Variants in P4HA2 observed in about 807,000 individuals in gnomAD.
P4HA2 encodes prolyl 4-hydroxylase subunit alpha-2.
Under a neutral mutation model 76.9 loss-of-function variants are expected in P4HA2, and 46 were observed. The observed-to-expected ratio is 0.60, with a 90% CI of 0.47 to 0.76. P4HA2 has a LOEUF of 0.76. P4HA2 is among the 30% of genes least tolerant of loss of function. The pLI, the probability that P4HA2 is intolerant of heterozygous loss-of-function variation, is 0.00. For missense variants in P4HA2, 583 were observed against 669.4 expected, an observed-to-expected ratio of 0.87 and a Z score of 1.42; for synonymous variants, 243 against 254.0, an observed-to-expected ratio of 0.96 and a Z score of 0.41.
chr5:132,193,127 T>A lies in P4HA2; in HGVS notation c.1532-47A>T, dbSNP rs1183406365. The stretch of plus-strand genomic sequence containing the variant: ...GTTACAATCCTATTGGTCAGTTTAG[T>A]AGCCTGAATGAATGACTCCTTCATG... On this transcript the variant is annotated intron_variant, in intron 14 of 14. Coordinates refer to ENST00000360568, the MANE Select transcript of P4HA2 (RefSeq NM_001017974.2). 1.0e-5 allele frequency: 14 copies of A among 1,337,226 alleles called. No individual in the cohort carries two copies. The East Asian group carries it at 1.4e-4, about 13-fold the overall frequency. The allele number at this position is 1,337,226 out of a possible 1,614,324, so 82.8% of individuals were successfully genotyped here. A position where few individuals can be genotyped will look rare whatever the true frequency, so the allele number is the denominator to read the frequency against.
Position 132,204,105 on chromosome 5 carries a change from G to A in P4HA2, c.1128C>T (p.Val376=), listed in dbSNP as rs200647661. 3.1e-5 allele frequency: 50 copies of A among 1,613,768 alleles called. No individual in the cohort carries two copies. Among genetic ancestry groups the A allele is most frequent in the South Asian group, 1.4e-4 (13 of 91,076 alleles). The part of the protein sequence containing the change: ...VRDPKTGVLT[V]ASYRVSKSSW... ...ACCTTTTGGAAACCCGGTAGCTGGC[G>A]ACAGTGAGGACTCCTGTCTTGGGAT... The change falls in exon 9 of 15, where the codon GTC becomes GTT. Residue 376 remains valine, a synonymous_variant. Coordinates refer to ENST00000360568, the MANE Select transcript of P4HA2 (RefSeq NM_001017974.2).
intron 11 of P4HA2, 35 bp from the exon 12 acceptor site, chr5:132,198,415 A>G (rs1478552542): frequency 6.2e-7 from 1 of 1,604,922 alleles, no homozygotes; most frequent in Non-Finnish European, 8.5e-7. Flanking sequence ...CAAGTTTACA[A>G]CAGGCTTCAT....
intron 1 of P4HA2, among the ~76,000 whole-genome samples, chr5:132,221,162 G>C (rs1365619175): frequency 2.6e-5 from 4 of 152,226 alleles, no homozygotes; most frequent in Non-Finnish European, 4.4e-5. Context: ...GCTTAAGACA[G>C]AGTAGGTGAA....
intron 5 of P4HA2, among the ~76,000 whole-genome samples, chr5:132,211,815 C>G (rs1753129498): frequency 6.6e-6 from 1 of 152,200 alleles, no homozygotes; most frequent in Non-Finnish European, 1.5e-5. Context: ...ATATCTAAGT[C>G]TCAGTCCCCT....
intron 1 of P4HA2, among the ~76,000 whole-genome samples, chr5:132,220,435 C>G (rs1034231347): frequency 6.6e-6 from 1 of 152,194 alleles, no homozygotes; most frequent in Admixed American, 6.5e-5. Context: ...CTCCTCAGAG[C>G]TGGGGTGGTG....
intron 4 of P4HA2, among the ~76,000 whole-genome samples, chr5:132,215,875 A>AAAAAAG (rs1753788333): frequency 8.7e-6 from 1 of 115,602 alleles, no homozygotes. Context: ...AAAAAAAAAA[A>AAAAAAG]AAGGCAGCGG....
chr5:132,196,253 A>G (rs979578383), intron 12 of P4HA2, among the ~76,000 whole-genome samples: 2 of 152,230 alleles, frequency 1.3e-5, no homozygotes, highest in Non-Finnish European at 2.9e-5. Context: ...TGGTAAATGA[A>G]TAAGACAAAA....
In P4HA2 at chr5:132,193,074, T is replaced by C. The variant is rs201773917; in HGVS notation, c.1538A>G (p.Asn513Ser). ...PVLVGCKWVS[N>S]KWFHERGQEF... ...CTGTCCTCGTTCATGGAACCACTTA[T>C]TGGAGACTGTGAAAAGAAAGCAAGC... is the stretch of plus-strand genomic sequence containing the variant. The change falls in exon 15 of 15, where the codon AAT becomes AGT. Residue 513 changes from asparagine to serine, a missense_variant. Coordinates refer to ENST00000360568, the MANE Select transcript of P4HA2 (RefSeq NM_001017974.2). 3.8e-5 allele frequency: 61 copies of C among 1,611,210 alleles called. No homozygotes were observed. The highest frequency in any genetic ancestry group is 1.2e-4 in the South Asian group (11 of 91,026).
rs201468479 is a variant in P4HA2 at position 132,198,875 on chromosome 5, T to C, written c.1305+4A>G. ...TTTGAAAGCACCTGTGATTTAGGCC[T>C]TACCCTAGAGAAGTCGAAGTGCGGT... On this transcript the variant is annotated splice_donor_region_variant and intron_variant, in intron 11 of 14. Transcript: ENST00000360568. 6.2e-7 allele frequency: 1 copy of C among 1,607,120 alleles called. No individual in the cohort carries two copies.
intron 1 of P4HA2, among the ~76,000 whole-genome samples, chr5:132,221,100 C>A (rs1018456995): frequency 1.3e-5 from 2 of 152,210 alleles, no homozygotes; most frequent in African/African-American, 4.8e-5. Flanking sequence ...CTGTGCCCCA[C>A]AATGTGGGAA....
chr5:132,226,477 A>AT (rs970853116), intron 1 of P4HA2, among the ~76,000 whole-genome samples: 36 of 149,318 alleles, frequency 2.4e-4, no homozygotes, highest in African/African-American at 5.2e-4. Context: ...TCTCTTTTTT[A>AT]TTTTTTTTTT....
intron 14 of P4HA2, among the ~76,000 whole-genome samples, chr5:132,194,342 G>C (rs912366394): frequency 6.6e-6 from 1 of 152,122 alleles, no homozygotes; most frequent in Non-Finnish European, 1.5e-5. Context: ...CTCTCCAAGG[G>C]GGCTACACAC....
intron 6 of P4HA2, among the ~76,000 whole-genome samples, chr5:132,209,812 A>G (rs1453386309): frequency 6.6e-6 from 1 of 151,336 alleles, no homozygotes; most frequent in South Asian, 2.1e-4. Flanking sequence ...TTAAAGGCAC[A>G]GTGCTTTTGG....
intron 14 of P4HA2, chr5:132,193,337 A>G: frequency 3.3e-6 from 1 of 302,288 alleles, no homozygotes; most frequent in Non-Finnish European, 6.1e-6. Context: ...GCATCTAATC[A>G]TGCCCTTTCA....
intron 7 of P4HA2, among the ~76,000 whole-genome samples, 199 bp downstream of exon 7, chr5:132,208,939 T>C (rs755648703): frequency 1.1e-4 from 16 of 151,870 alleles, no homozygotes; most frequent in Non-Finnish European, 2.4e-4. Flanking sequence ...ACACTCTACC[T>C]GGGGCACGAG....
intron 9 of P4HA2, 73 bp from the exon 10 acceptor site, chr5:132,203,920 C>G: frequency 8.0e-7 from 1 of 1,253,888 alleles, no homozygotes; most frequent in East Asian, 2.3e-5. Context: ...ACTCTGTCCC[C>G]AGAGTCAGGG....
At chr5:132,214,393 G>A (rs952940343) in intron 4 of P4HA2, among the ~76,000 whole-genome samples, 1 of 152,122 alleles carries the variant, frequency 6.6e-6, no homozygotes, top group African/African-American at 2.4e-5. Context: ...AGGATAGAGA[G>A]GGTAACTGAG....
rs373024353 is a variant in P4HA2 at position 132,204,160 on chromosome 5, G to A, written c.1081-8C>T. ...AACGGTGGCTCGTGCAAGCTAGAAG[G>A]AAGGAGGAGAGGGAAGACTTGATTT... On this transcript the variant is annotated splice_region_variant and splice_polypyrimidine_tract_variant and intron_variant, in intron 8 of 14. Transcript: ENST00000360568. 5 of 1,606,672 alleles carry A rather than the reference G, an allele frequency of 3.1e-6. No homozygotes were observed. The African/African-American group carries it at 4.0e-5, about 13-fold the overall frequency.
chr5:132,225,344 C>A (rs1371283027), intron 1 of P4HA2, among the ~76,000 whole-genome samples: 5 of 152,302 alleles, frequency 3.3e-5, no homozygotes, highest in East Asian at 1.9e-4. Context: ...ACCTCCTAGC[C>A]CTCTGCACAC....
Sources: allele counts gnomAD v4.1 joint callset (sites outside exome capture counted in the v4.1 genomes callset), GRCh38; gene constraint gnomAD v4.1.1; transcripts MANE v1.5; gene names NCBI Gene and HGNC (gene_info 2026-07-23, HGNC 2026-07-21).